PCDHA1: variants seen among roughly 807,000 people sequenced by gnomAD.
The protein encoded by PCDHA1 is protocadherin alpha-1.
Under a neutral mutation model 61.3 loss-of-function variants are expected in PCDHA1, and 42 were observed. That is an observed-to-expected ratio of 0.69 (90% CI 0.54 to 0.89). The LOEUF is 0.89. Among genes scored for constraint, PCDHA1 ranks in the 40% least tolerant of loss-of-function variants. The pLI is 0.00. For synonymous variants in PCDHA1, 610 were observed against 553.8 expected (o/e 1.10, Z -1.43); for missense variants, 1,256 against 1,235.3 (o/e 1.02, Z -0.25).
intron 1 of PCDHA1, among the ~76,000 whole-genome samples, chr5:140,906,368 T>C (rs1554192499): frequency 1.3e-5 from 2 of 152,198 alleles, no homozygotes. Flanking sequence ...CCAACCCAAA[T>C]GCTATTACAT....
intron 1 of PCDHA1, chr5:140,843,513 G>A (rs1554140161): frequency 6.3e-7 from 1 of 1,595,848 alleles, no homozygotes; most frequent in East Asian, 2.2e-5. Context: ...ACTGAGGGCG[G>A]GTGCCGGGCG....
In PCDHA1 at chr5:140,834,765, G is replaced by C. The variant is rs2150225893; in HGVS notation, c.2394+46081G>C. 7 of 1,614,098 alleles carry C rather than the reference G, an allele frequency of 4.3e-6. No homozygotes were observed. The highest frequency in any genetic ancestry group is 5.9e-6 in the Non-Finnish European group (7 of 1,180,028). On this transcript the variant is annotated intron_variant, in intron 1 of 3. Transcript: ENST00000504120. The stretch of plus-strand genomic sequence containing the variant: ...GGACGTGGAGGTGAAGGACATTAAC[G>C]ACAACCCTCCGGTGTTCCCAGCGAC...
intron 1 of PCDHA1, chr5:140,825,395 ATATAT>A (rs1166769345): frequency 7.7e-6 from 1 of 130,132 alleles, no homozygotes; most frequent in African/African-American, 3.9e-5. Context: ...TATATATCTA[ATATAT>A]TATATATTTT....
At chr5:140,829,989 C>T (rs2150179119) in intron 1 of PCDHA1, 11 of 1,613,848 alleles carry the variant, frequency 6.8e-6, no homozygotes, top group Non-Finnish European at 9.3e-6. Context: ...GAGATCAGCA[C>T]CACTCGTGTC....
chr5:140,947,756 T>A (rs1354995389), intron 1 of PCDHA1, among the ~76,000 whole-genome samples: 1 of 151,644 alleles, frequency 6.6e-6, no homozygotes, highest in Non-Finnish European at 1.5e-5. Flanking sequence ...TATTTTATGG[T>A]TTAAAAAATT....
Position 140,823,324 on chromosome 5 carries a change from T to C in PCDHA1, c.2394+34640T>C, listed in dbSNP as rs2150124728. Reference sequence around the variant, plus strand: ...GGTGCACGCGGAGAGCGGCAAGGTGTACGCGCTGCAGCCGCTGGACCACGA... The same window carrying C: ...GGTGCACGCGGAGAGCGGCAAGGTGCACGCGCTGCAGCCGCTGGACCACGA... On this transcript the variant is annotated intron_variant, in intron 1 of 3. Coordinates refer to ENST00000504120, the MANE Select transcript of PCDHA1 (RefSeq NM_018900.4). 8 of 1,611,998 alleles carry C rather than the reference T, an allele frequency of 5.0e-6. No individual in the cohort carries two copies. The African/African-American group carries it at 9.3e-5, about 19-fold the overall frequency.
rs58232896 is a variant in PCDHA1 at position 140,946,262 on chromosome 5, C to T, written c.2395-32687C>T. Among the ~76,000 whole-genome samples the T allele has an allele frequency of 3.4e-3, 520 of 151,790 alleles. 2 individuals are homozygous for T. Among genetic ancestry groups the T allele is most frequent in the African/African-American group, 0.012 (483 of 41,394 alleles). On this transcript the variant is annotated intron_variant, in intron 1 of 3. Transcript: ENST00000504120. Reference sequence around the variant, plus strand: ...AACATCATGAATCATCAGAAAAATGCGAATTAAAACCCCAATGAGATATCA... The same window carrying T: ...AACATCATGAATCATCAGAAAAATGTGAATTAAAACCCCAATGAGATATCA...
chr5:140,934,172 G>A (rs781789188), intron 1 of PCDHA1, among the ~76,000 whole-genome samples: 47 of 152,018 alleles, frequency 3.1e-4, no homozygotes, highest in Non-Finnish European at 6.6e-4. Flanking sequence ...TGCAACAGAA[G>A]TACTCTAAAC....
intron 1 of PCDHA1, chr5:140,884,399 T>C (rs1554181524): frequency 6.2e-6 from 10 of 1,613,990 alleles, no homozygotes; most frequent in African/African-American, 4.0e-5. Flanking sequence ...GTCCAGCCTG[T>C]TGGTGCTCAC....
intron 1 of PCDHA1, chr5:140,824,418 A>G: frequency 3.9e-6 from 2 of 513,258 alleles, no homozygotes; most frequent in South Asian, 2.8e-5. Context: ...CATAGTTTGG[A>G]GTCATTCTCA....
At chr5:140,830,215 C>T in intron 1 of PCDHA1, 18 of 1,613,852 alleles carry the variant, frequency 1.1e-5, no homozygotes, top group Non-Finnish European at 1.4e-5. Flanking sequence ...GCGCGGTATC[C>T]AGCCTGCTGG....
At chr5:140,850,587 G>A in intron 1 of PCDHA1, 1 of 1,598,490 alleles carries the variant, frequency 6.3e-7, no homozygotes, top group South Asian at 1.1e-5. Flanking sequence ...GGATGTCAAC[G>A]TGTACCTGAT....
intron 3 of PCDHA1, among the ~76,000 whole-genome samples, chr5:140,990,912 A>G (rs1415853627): frequency 1.3e-5 from 2 of 152,148 alleles, no homozygotes; most frequent in African/African-American, 4.8e-5. Context: ...CAAGTTTTAT[A>G]AGTCTTTAAA....
At chr5:140,829,291 CT>C in intron 1 of PCDHA1, 1 of 1,614,248 alleles carries the variant, frequency 6.2e-7, no homozygotes, top group Non-Finnish European at 8.5e-7. Context: ...TGGTGTCCAC[CT>C]TCAAGAATTA....
At chr5:140,976,203 A>T (rs1301475935) in intron 1 of PCDHA1, among the ~76,000 whole-genome samples, 1 of 152,220 alleles carries the variant, frequency 6.6e-6, no homozygotes, top group East Asian at 1.9e-4. Flanking sequence ...GAAACTCAGA[A>T]GTAAAAAAGA....
intron 1 of PCDHA1, among the ~76,000 whole-genome samples, chr5:140,907,434 A>G (rs782559641): frequency 2.5e-4 from 38 of 152,256 alleles, no homozygotes; most frequent in Non-Finnish European, 4.4e-4. Context: ...GCATTCTGTG[A>G]GTCCACAGAT....
intron 1 of PCDHA1, among the ~76,000 whole-genome samples, chr5:140,880,055 C>G (rs1024788960): frequency 1.3e-5 from 2 of 152,146 alleles, no homozygotes; most frequent in Admixed American, 6.5e-5. Flanking sequence ...GTGGGCATAA[C>G]TTTTTGGGGA....
chr5:140,982,545 G>C lies in PCDHA1; in HGVS notation c.2524G>C (p.Val842Leu), dbSNP rs782544627. The change falls in exon 3 of 4, where the codon GTA becomes CTA. Residue 842 changes from valine (V) to leucine (L), a missense_variant. Val to Leu is a conservative substitution (Grantham distance 32). Transcript: ENST00000504120. The stretch of plus-strand genomic sequence containing the variant: ...AGGGCCTGATCAGCAGTGGCCAACA[G>C]TATCCAGTGCAACACCAGGTAAAGA... ...PGGPDQQWPT[V>L]SSATPEPEAG... The C allele has an allele frequency of 6.2e-6, 10 of 1,614,088 alleles. No individual in the cohort carries two copies. The East Asian group carries it at 2.2e-4, about 36-fold the overall frequency.
At chr5:140,801,691 A>AT in intron 1 of PCDHA1, 7 of 1,614,210 alleles carry the variant, frequency 4.3e-6, no homozygotes, top group African/African-American at 1.3e-5. Flanking sequence ...ATCGGAACAA[A>AT]TTCGTTGTTG....
Sources: gnomAD v4.1 joint callset for allele counts (sites outside exome capture counted in the v4.1 genomes callset) on GRCh38, gnomAD v4.1.1 for gene constraint, MANE v1.5 for transcripts, NCBI Gene and HGNC (gene_info 2026-07-23, HGNC 2026-07-21) for gene names.